CADM2: variants seen among roughly 807,000 people sequenced by gnomAD.
The protein encoded by CADM2 is cell adhesion molecule 2.
CADM2 carries 12 observed loss-of-function variants against 49.8 expected under a neutral mutation model. That is an observed-to-expected ratio of 0.24 (90% CI 0.15 to 0.39). The LOEUF is 0.39. CADM2 is among the 10% of genes least tolerant of loss of function. The pLI, the probability that CADM2 is intolerant of heterozygous loss-of-function variation, is 1.00. For synonymous variants in CADM2, 214 were observed against 175.4 expected, an observed-to-expected ratio of 1.22 and a Z score of -1.74; for missense variants, 378 against 492.3, an observed-to-expected ratio of 0.77 and a Z score of 2.20.
At chr3:85,405,651 A>G (rs1460858256) in intron 1 of CADM2, among the ~76,000 whole-genome samples, 1 of 152,128 alleles carries the variant, frequency 6.6e-6, no homozygotes, top group Non-Finnish European at 1.5e-5. Flanking sequence ...GCGTTCCTAT[A>G]GAAATTAAAA....
At chr3:85,330,688 G>A (rs1224715998) in intron 1 of CADM2, among the ~76,000 whole-genome samples, 2 of 151,906 alleles carry the variant, frequency 1.3e-5, no homozygotes, top group Non-Finnish European at 2.9e-5. Context: ...CAGGGGCAGT[G>A]GCTCATGCCT....
intron 2 of CADM2, among the ~76,000 whole-genome samples, chr3:85,762,153 A>G (rs1028463820): frequency 3.3e-5 from 5 of 152,178 alleles, no homozygotes; most frequent in South Asian, 4.1e-4. Context: ...GAAAAGTTAC[A>G]GTGCAATCAG....
chr3:85,353,697 A>G (rs2031576906), intron 1 of CADM2, among the ~76,000 whole-genome samples: 2 of 152,038 alleles, frequency 1.3e-5, no homozygotes, highest in Non-Finnish European at 2.9e-5. Context: ...TGTCAATAAT[A>G]AAAGTATATT....
intron 1 of CADM2, among the ~76,000 whole-genome samples, chr3:85,272,926 AT>A (rs969633845): frequency 1.3e-5 from 2 of 150,972 alleles, no homozygotes; most frequent in Non-Finnish European, 3.0e-5. Flanking sequence ...AAATACACAC[AT>A]TTTTTTTCTC....
intron 1 of CADM2, among the ~76,000 whole-genome samples, chr3:85,544,953 A>G (rs955673349): frequency 2.0e-5 from 3 of 152,152 alleles, no homozygotes; most frequent in Admixed American, 6.6e-5. Flanking sequence ...TCCTAAATCG[A>G]TAACTTTGCT....
chr3:85,922,195 C>T (rs1375931578), intron 6 of CADM2, among the ~76,000 whole-genome samples: 5 of 150,334 alleles, frequency 3.3e-5, no homozygotes, highest in Admixed American at 6.7e-5. Flanking sequence ...TTTCTCTTTC[C>T]TTCTCCTTCT....
At chr3:85,604,373 T>TCTTTCCA in intron 1 of CADM2, among the ~76,000 whole-genome samples, 1 of 151,840 alleles carries the variant, frequency 6.6e-6, no homozygotes, top group Non-Finnish European at 1.5e-5. Context: ...TACCACCTAA[T>TCTTTCCA]CCTTTGATTC....
intron 8 of CADM2, among the ~76,000 whole-genome samples, chr3:85,999,830 T>A (rs1437255786): frequency 2.0e-5 from 3 of 152,156 alleles, no homozygotes; most frequent in Non-Finnish European, 4.4e-5. Context: ...AGAAAGTCAC[T>A]GCATTCTATT....
At chr3:85,061,337 C>T (rs1033335964) in intron 1 of CADM2, among the ~76,000 whole-genome samples, 1 of 151,978 alleles carries the variant, frequency 6.6e-6, no homozygotes, top group Non-Finnish European at 1.5e-5. Context: ...AGGATGCATG[C>T]AAATGGTGTG....
Position 84,998,687 on chromosome 3 carries a change from G to A in CADM2, c.61+39019G>A, listed in dbSNP as rs565337983. 6.6e-5 allele frequency among the ~76,000 whole-genome samples: 10 copies of A among 152,192 alleles called. 1 individual carries two copies. In the South Asian group the frequency reaches 1.9e-3, roughly 28 times the overall value. ...TCTGGATTTCTCAGGCTTGGTAAGAGCCTTATAAAAAGGTTAGCTTGGACG... is the reference window on the plus strand; with the variant it reads ...TCTGGATTTCTCAGGCTTGGTAAGAACCTTATAAAAAGGTTAGCTTGGACG... On this transcript the variant is annotated intron_variant, in intron 1 of 9. Transcript: ENST00000383699.
intron 1 of CADM2, among the ~76,000 whole-genome samples, chr3:85,355,953 A>C (rs1196375029): frequency 1.3e-5 from 2 of 152,254 alleles, no homozygotes; most frequent in African/African-American, 2.4e-5. Context: ...TAGAGGGTCA[A>C]CTTTAAACTT....
At chr3:85,575,238 A>G (rs946318710) in intron 1 of CADM2, among the ~76,000 whole-genome samples, 3 of 152,192 alleles carry the variant, frequency 2.0e-5, no homozygotes, top group Non-Finnish European at 4.4e-5. Context: ...AAATGCATGA[A>G]CTTACCAAAA....
intron 8 of CADM2, among the ~76,000 whole-genome samples, chr3:85,964,145 A>G (rs1472530934): frequency 1.3e-5 from 2 of 151,896 alleles, no homozygotes; most frequent in African/African-American, 4.8e-5. Context: ...AAACCTTACT[A>G]AATGATGAAA....
At chr3:85,234,100 A>T (rs2042359328) in intron 1 of CADM2, among the ~76,000 whole-genome samples, 3 of 152,078 alleles carry the variant, frequency 2.0e-5, no homozygotes, top group African/African-American at 7.2e-5. Flanking sequence ...TACCTGAGTT[A>T]TACAGAAATT....
intron 1 of CADM2, among the ~76,000 whole-genome samples, chr3:84,990,966 A>C (rs1256493298): frequency 6.6e-6 from 1 of 152,114 alleles, no homozygotes; most frequent in African/African-American, 2.4e-5. Flanking sequence ...ATAATGGGTT[A>C]CAAGTCTCAT....
At chr3:85,621,808 T>G (rs1308495044) in intron 1 of CADM2, among the ~76,000 whole-genome samples, 7 of 152,160 alleles carry the variant, frequency 4.6e-5, no homozygotes, top group Non-Finnish European at 2.9e-5. Flanking sequence ...AGCTCTGGTC[T>G]GAGCATGATG....
rs188643356 is a variant in CADM2, at chr3:85,746,429, T to G, written c.88+19881T>G. Reference sequence around the variant, plus strand: ...AAGGAAAAATATGGAGAATTTGTATTGTAACATCGATATTCTAAGCACAAA... The same window carrying G: ...AAGGAAAAATATGGAGAATTTGTATGGTAACATCGATATTCTAAGCACAAA... On this transcript the variant is annotated intron_variant, in intron 2 of 9. Coordinates refer to ENST00000383699, the MANE Select transcript of CADM2 (RefSeq NM_001167675.2). 4.1e-3 allele frequency among the ~76,000 whole-genome samples: 619 copies of G among 152,302 alleles called. 7 individuals are homozygous for G. Among genetic ancestry groups the G allele is most frequent in the Middle Eastern group, 0.031 (9 of 294 alleles).
At chr3:85,194,582 C>T (rs987020963) in intron 1 of CADM2, among the ~76,000 whole-genome samples, 22 of 151,396 alleles carry the variant, frequency 1.5e-4, no homozygotes, top group African/African-American at 4.4e-4. Context: ...GAAGGAAAGA[C>T]GTGAATAAAG....
chr3:85,607,194 G>A lies in CADM2; in HGVS notation c.62-119328G>A, dbSNP rs2063560495. Among the ~76,000 whole-genome samples, 4 of 152,174 alleles carry A rather than the reference G, an allele frequency of 2.6e-5. No individual in the cohort carries two copies. In the South Asian group the frequency reaches 8.3e-4, roughly 32 times the overall value. On this transcript the variant is annotated intron_variant, in intron 1 of 9. Coordinates refer to ENST00000383699, the MANE Select transcript of CADM2 (RefSeq NM_001167675.2). The stretch of plus-strand genomic sequence containing the variant: ...TTTGATAATTAAATGGTCATTTGCA[G>A]GCAATTTCTTCAGTAAAGAATAAAG...
Sources: allele counts gnomAD v4.1 joint callset (sites outside exome capture counted in the v4.1 genomes callset), GRCh38; gene constraint gnomAD v4.1.1; transcripts MANE v1.5; gene names NCBI Gene and HGNC (gene_info 2026-07-23, HGNC 2026-07-21).